The following NEK11 variants were observed in gnomAD, a reference collection of about 807,000 sequenced individuals.
The protein encoded by NEK11 is serine/threonine-protein kinase Nek11.
Under a neutral mutation model 80.7 loss-of-function variants are expected in NEK11, and 72 were observed. The observed-to-expected ratio is 0.89, with a 90% CI of 0.74 to 1.08. The LOEUF is 1.08. Among genes scored for constraint, NEK11 ranks in the 50% least tolerant of loss-of-function variants. The pLI is 0.00. For synonymous variants in NEK11, 251 were observed against 260.7 expected, an observed-to-expected ratio of 0.96 and a Z score of 0.36; for missense variants, 764 against 763.6, an observed-to-expected ratio of 1.00 and a Z score of -0.01.
chr3:131,287,983 A>G (rs1272267734), intron 17 of NEK11, among the ~76,000 whole-genome samples: 1 of 152,196 alleles, frequency 6.6e-6, no homozygotes, highest in African/African-American at 2.4e-5. Flanking sequence ...AATATTCATA[A>G]AAAACCTGGT....
intron 17 of NEK11, among the ~76,000 whole-genome samples, chr3:131,288,518 T>A (rs2096504025): frequency 6.7e-6 from 1 of 148,192 alleles, no homozygotes; most frequent in Admixed American, 6.9e-5. Flanking sequence ...AATGGGGTGA[T>A]CTAGGCTCAC....
chr3:131,029,803 A>C lies in NEK11; in HGVS notation c.95A>C (p.Gln32Pro). ...TTGATTGCAAGAAGATACGTGCTTC[A>C]ACAAAAACTTGGCAGTGGAAGTTTT... ...KTLIARRYVLQQKLGSGSFGT... is the reference protein window; with the variant it reads ...KTLIARRYVLPQKLGSGSFGT... Residue 32 changes from glutamine to proline, a missense_variant, in exon 3 of 18, where the codon CAA (glutamine) becomes CCA (proline). Gln to Pro is a moderately conservative substitution (Grantham distance 76). Coordinates refer to ENST00000383366, the MANE Select transcript of NEK11 (RefSeq NM_024800.5). The C allele has an allele frequency of 1.2e-6, 2 of 1,614,238 alleles. No homozygotes were observed. Among genetic ancestry groups the C allele is most frequent in the Non-Finnish European group, 1.7e-6 (2 of 1,180,032 alleles).
intron 17 of NEK11, among the ~76,000 whole-genome samples, chr3:131,274,990 G>C (rs1242730893): frequency 6.6e-6 from 1 of 150,864 alleles, no homozygotes; most frequent in Non-Finnish European, 1.5e-5. Flanking sequence ...TCTAACTGGT[G>C]TGAGATGGTA....
chr3:131,181,508 A>T (rs2093339040), intron 14 of NEK11, among the ~76,000 whole-genome samples: 1 of 152,148 alleles, frequency 6.6e-6, no homozygotes, highest in Non-Finnish European at 1.5e-5. Context: ...GCACTTTGGG[A>T]GGCCAAGGCG....
chr3:131,298,297 G>T (rs2096622864), intron 17 of NEK11, among the ~76,000 whole-genome samples: 1 of 152,006 alleles, frequency 6.6e-6, no homozygotes, highest in Non-Finnish European at 1.5e-5. Flanking sequence ...CTACCCATGA[G>T]CATGGAATGT....
chr3:131,227,650 G>A (rs1273956006), intron 14 of NEK11, among the ~76,000 whole-genome samples: 1 of 152,120 alleles, frequency 6.6e-6, no homozygotes, highest in African/African-American at 2.4e-5. Context: ...TGAGTATGGT[G>A]CAAAGTCTAA....
chr3:131,280,469 TCTA>T (rs2096378845), intron 17 of NEK11, among the ~76,000 whole-genome samples: 1 of 152,192 alleles, frequency 6.6e-6, no homozygotes, highest in South Asian at 2.1e-4. Context: ...CAATGTCTAA[TCTA>T]CTGTTAATCT....
intron 2 of NEK11, 59 bp downstream of exon 2, chr3:131,028,061 CA>C (rs1484795952): frequency 1.3e-5 from 2 of 152,244 alleles, no homozygotes; most frequent in East Asian, 3.9e-4. Flanking sequence ...ACTTTTATGA[CA>C]GTGAAGGGGA....
At chr3:131,266,097 TTC>T (rs2096052252) in intron 16 of NEK11, among the ~76,000 whole-genome samples, 1 of 152,214 alleles carries the variant, frequency 6.6e-6, no homozygotes, top group African/African-American at 2.4e-5. Context: ...TATTTGATTC[TTC>T]TCTCTTTTCT....
At chr3:131,296,783 G>C (rs936020544) in intron 17 of NEK11, among the ~76,000 whole-genome samples, 7 of 151,972 alleles carry the variant, frequency 4.6e-5, no homozygotes, top group Non-Finnish European at 1.0e-4. Flanking sequence ...TTAGCATTAG[G>C]TATAGCTCCT....
intron 17 of NEK11, among the ~76,000 whole-genome samples, chr3:131,304,944 C>T (rs1421383499): frequency 1.3e-5 from 2 of 151,842 alleles, no homozygotes; most frequent in Non-Finnish European, 2.9e-5. Context: ...TGCACCCACT[C>T]GTGCTGGTGG....
At chr3:131,267,045 A>G (rs574702808) in intron 16 of NEK11, among the ~76,000 whole-genome samples, 1 of 152,252 alleles carries the variant, frequency 6.6e-6, no homozygotes, top group East Asian at 1.9e-4. Context: ...TGCTTGGTAA[A>G]TATTATTCCA....
intron 3 of NEK11, among the ~76,000 whole-genome samples, chr3:131,065,053 C>T (rs997450945): frequency 1.5e-4 from 23 of 152,312 alleles, no homozygotes; most frequent in African/African-American, 5.5e-4. Context: ...AACTTTACAA[C>T]ACAGTTATCA....
intron 14 of NEK11, among the ~76,000 whole-genome samples, chr3:131,197,686 A>T (rs902791942): frequency 6.6e-6 from 1 of 151,884 alleles, no homozygotes; most frequent in African/African-American, 2.4e-5. Flanking sequence ...CAGGCAAAAT[A>T]TTTTTCCTTC....
intron 3 of NEK11, among the ~76,000 whole-genome samples, chr3:131,047,234 T>C (rs1174580925): frequency 6.6e-6 from 1 of 152,252 alleles, no homozygotes; most frequent in Non-Finnish European, 1.5e-5. Context: ...CTCTGATGCC[T>C]TCTCGATTAG....
intron 14 of NEK11, among the ~76,000 whole-genome samples, chr3:131,175,393 A>G (rs1269672246): frequency 6.6e-6 from 1 of 152,214 alleles, no homozygotes; most frequent in Non-Finnish European, 1.5e-5. Flanking sequence ...TAGTTTGTTG[A>G]TGGAATATAT....
Position 131,152,958 on chromosome 3 carries a change from G to A in NEK11, c.876+249G>A, listed in dbSNP as rs950487734. Among the ~76,000 whole-genome samples the A allele has an allele frequency of 2.6e-4, 40 of 152,076 alleles. 1 individual carries two copies. The highest frequency in any genetic ancestry group is 2.8e-4 in the Non-Finnish European group (19 of 68,028). ...AAAAATTAGCTGGGCGTGGTGGTGCGTGTCTTTAGTCCCAGCTACTCAGGA... is the reference window on the plus strand; with the variant it reads ...AAAAATTAGCTGGGCGTGGTGGTGCATGTCTTTAGTCCCAGCTACTCAGGA... On this transcript the variant is annotated intron_variant, in intron 9 of 17. Transcript: ENST00000383366.
At chr3:131,094,232 C>G in intron 4 of NEK11, among the ~76,000 whole-genome samples, 1 of 151,492 alleles carries the variant, frequency 6.6e-6, no homozygotes, top group Non-Finnish European at 1.5e-5. Flanking sequence ...TCAGTGGGTT[C>G]TAGATCATGA....
intron 17 of NEK11, among the ~76,000 whole-genome samples, chr3:131,301,361 T>C (rs1286193092): frequency 6.6e-6 from 1 of 152,182 alleles, no homozygotes; most frequent in Non-Finnish European, 1.5e-5. Context: ...TGGATGCCTT[T>C]TATTTCTTTG....
Sources: allele counts gnomAD v4.1 joint callset (sites outside exome capture counted in the v4.1 genomes callset), GRCh38; gene constraint gnomAD v4.1.1; transcripts MANE v1.5; gene names NCBI Gene and HGNC (gene_info 2026-07-23, HGNC 2026-07-21).